The following COL21A1 variants were observed in gnomAD, a reference collection of about 807,000 sequenced individuals.
COL21A1 encodes the protein collagen type XXI alpha 1 chain, also known as collagen alpha-1(XXI) chain.
Under a neutral mutation model 137.9 loss-of-function variants are expected in COL21A1, and 149 were observed. The ratio of observed to expected loss-of-function variants is 1.08; its 90% CI spans 0.95 to 1.24. The LOEUF (loss-of-function observed/expected upper bound fraction) is 1.24. Among genes scored for constraint, COL21A1 ranks in the 50% most tolerant of loss-of-function variants. The probability of loss-of-function intolerance (pLI) is 0.00; values close to 1 mark genes in which losing one functional copy is unlikely to be tolerated. For synonymous variants in COL21A1, 456 were observed against 391.5 expected, an observed-to-expected ratio of 1.16 and a Z score of -1.95; for missense variants, 1,167 against 1,158.4, an observed-to-expected ratio of 1.01 and a Z score of -0.11.
intron 1 of COL21A1, among the ~76,000 whole-genome samples, chr6:56,378,004 C>T (rs1158146989): frequency 6.6e-6 from 1 of 152,070 alleles, no homozygotes; most frequent in Admixed American, 6.5e-5. Flanking sequence ...GGGAAGGACC[C>T]AGTCCTAGCA....
chr6:56,381,444 T>C (rs1234292226), intron 1 of COL21A1, among the ~76,000 whole-genome samples: 1 of 152,236 alleles, frequency 6.6e-6, no homozygotes, highest in Non-Finnish European at 1.5e-5. Context: ...AGAGAGATTA[T>C]ATGACTGTTA....
At chr6:56,377,585 T>C (rs1037415679) in intron 1 of COL21A1, among the ~76,000 whole-genome samples, 8 of 152,150 alleles carry the variant, frequency 5.3e-5, no homozygotes, top group African/African-American at 1.9e-4. Flanking sequence ...ACTTGAGTTC[T>C]TGCAAGCCTC....
chr6:56,192,325 G>A (rs1778740951), intron 1 of COL21A1, among the ~76,000 whole-genome samples: 2 of 152,092 alleles, frequency 1.3e-5, no homozygotes, highest in Admixed American at 1.3e-4. Context: ...AAAAGCAATG[G>A]CAACAAATGC....
At chr6:56,176,888 G>A (rs113999207) in intron 3 of COL21A1, among the ~76,000 whole-genome samples, 6,079 of 137,190 alleles carry the variant, frequency 0.044, 214 homozygotes, top group Middle Eastern at 0.066. Flanking sequence ...GGAGGAAGGG[G>A]GAGGAAAGGG....
chr6:56,337,223 A>C (rs1363920342), intron 1 of COL21A1, among the ~76,000 whole-genome samples: 1 of 152,172 alleles, frequency 6.6e-6, no homozygotes, highest in African/African-American at 2.4e-5. Context: ...TTTAATTTAG[A>C]ATGGGTATCT....
At chr6:56,210,848 A>T (rs972805519) in intron 1 of COL21A1, among the ~76,000 whole-genome samples, 4 of 152,136 alleles carry the variant, frequency 2.6e-5, no homozygotes, top group African/African-American at 9.6e-5. Flanking sequence ...TGACAAGGGT[A>T]AGGAAACTTA....
chr6:56,137,000 C>T (rs1774054923), intron 12 of COL21A1, among the ~76,000 whole-genome samples: 1 of 152,058 alleles, frequency 6.6e-6, no homozygotes, highest in African/African-American at 2.4e-5. Context: ...CTAAAAGAAG[C>T]ACAAGTCACA....
At chr6:56,159,475 G>A (rs535075229) in intron 9 of COL21A1, among the ~76,000 whole-genome samples, 94 of 151,938 alleles carry the variant, frequency 6.2e-4, no homozygotes, top group African/African-American at 1.9e-3. Context: ...TGGGATTACA[G>A]GCATGCGCCA....
At chr6:56,197,404 TTGA>T (rs1421837779) in intron 1 of COL21A1, among the ~76,000 whole-genome samples, 1 of 151,958 alleles carries the variant, frequency 6.6e-6, no homozygotes, top group Non-Finnish European at 1.5e-5. Flanking sequence ...AAGGAAACAA[TTGA>T]TGAAATAAAA....
chr6:56,274,859 C>A (rs565149861), intron 1 of COL21A1, among the ~76,000 whole-genome samples: 1 of 151,956 alleles, frequency 6.6e-6, no homozygotes, highest in East Asian at 1.9e-4. Context: ...TTAGAAAAAA[C>A]TATTCTAAAA....
intron 1 of COL21A1, among the ~76,000 whole-genome samples, chr6:56,262,688 T>C (rs1763306191): frequency 6.6e-6 from 1 of 152,130 alleles, no homozygotes; most frequent in Non-Finnish European, 1.5e-5. Flanking sequence ...GGCTGCAGCT[T>C]TGTGACAAGC....
chr6:56,226,488 C>A (rs1295683537), intron 1 of COL21A1, among the ~76,000 whole-genome samples: 1 of 151,892 alleles, frequency 6.6e-6, no homozygotes, highest in Non-Finnish European at 1.5e-5. Context: ...TAAAATAAAC[C>A]AGTTCCTCCA....
chr6:56,272,031 A>T (rs1024706980), intron 1 of COL21A1, among the ~76,000 whole-genome samples: 1 of 152,170 alleles, frequency 6.6e-6, no homozygotes, highest in Non-Finnish European at 1.5e-5. Context: ...GCAGAAGGGA[A>T]ATGTGGGGTT....
chr6:56,312,462 G>A (rs1047802446), intron 1 of COL21A1, among the ~76,000 whole-genome samples: 6 of 152,148 alleles, frequency 3.9e-5, no homozygotes, highest in Admixed American at 3.3e-4. Flanking sequence ...TCTGAGTCAG[G>A]GAATGATGAG....
chr6:56,208,199 G>T (rs957244849), intron 1 of COL21A1, among the ~76,000 whole-genome samples: 1 of 151,596 alleles, frequency 6.6e-6, no homozygotes, highest in African/African-American at 2.4e-5. Flanking sequence ...TCAGGCAAGA[G>T]AAAAAAAATA....
intron 1 of COL21A1, among the ~76,000 whole-genome samples, chr6:56,280,800 C>T (rs9349807): frequency 0.24 from 36,541 of 151,850 alleles, 5,730 homozygotes; most frequent in East Asian, 0.67. Flanking sequence ...ATTATTGAGC[C>T]AGGAGTTCAA....
At chr6:56,119,734 A>G (rs763234833) in intron 16 of COL21A1, among the ~76,000 whole-genome samples, 29 of 152,190 alleles carry the variant, frequency 1.9e-4, no homozygotes, top group Admixed American at 3.9e-4. Context: ...AACAGAACAG[A>G]GAACCCAGAA....
At chr6:56,138,804 G>A (rs1774189419) in intron 12 of COL21A1, among the ~76,000 whole-genome samples, 1 of 152,110 alleles carries the variant, frequency 6.6e-6, no homozygotes, top group South Asian at 2.1e-4. Context: ...GAGAAACAGG[G>A]AAATGGCCTG....
chr6:56,339,096 T>A (rs750515102), intron 1 of COL21A1, among the ~76,000 whole-genome samples: 3 of 152,176 alleles, frequency 2.0e-5, no homozygotes, highest in Non-Finnish European at 2.9e-5. Flanking sequence ...AGATGGAAAC[T>A]GGACTTAGAA....
Sources: allele counts gnomAD v4.1 joint callset (sites outside exome capture counted in the v4.1 genomes callset), GRCh38; gene constraint gnomAD v4.1.1; transcripts MANE v1.5; gene names NCBI Gene and HGNC (gene_info 2026-07-23, HGNC 2026-07-21).